The following ANKRD11 variants were observed in gnomAD, a reference collection of about 807,000 sequenced individuals.
ANKRD11 encodes ankyrin repeat domain-containing protein 11.
ANKRD11 carries 17 observed loss-of-function variants against 195.7 expected under a neutral mutation model. The ratio of observed to expected loss-of-function variants is 0.09; its 90% CI spans 0.06 to 0.13. The LOEUF (loss-of-function observed/expected upper bound fraction) is 0.13. Ranked by LOEUF, ANKRD11 falls within the 10% of genes least tolerant of loss-of-function variation. The pLI, the probability that ANKRD11 is intolerant of heterozygous loss-of-function variation, is 1.00. For synonymous variants in ANKRD11, 1,953 were observed against 1,528.1 expected (o/e 1.28, Z -6.49); for missense variants, 3,735 against 3,566.1 (o/e 1.05, Z -1.21).
chr16:89,417,506 G>A, intron 2 of ANKRD11, among the ~76,000 whole-genome samples: 1 of 152,176 alleles, frequency 6.6e-6, no homozygotes, highest in East Asian at 1.9e-4. Context: ...TCTTTTTGGA[G>A]ACTGCTGCCG....
Position 89,280,373 on chromosome 16 carries a change from C to A in ANKRD11, c.6169G>T (p.Ala2057Ser). 1 of 1,562,554 alleles carries A rather than the reference C, an allele frequency of 6.4e-7. No individual in the cohort carries two copies. The highest frequency in any genetic ancestry group is 1.4e-5 in the African/African-American group (1 of 73,628). Residue 2057 changes from alanine (A) to serine (S), a missense_variant, in exon 9 of 13, where the codon GCC becomes TCC. Coordinates refer to ENST00000301030, the MANE Select transcript of ANKRD11 (RefSeq NM_013275.6). ...AAGGACTCCAGCCCGGAGGGAGGGG[C>A]GTAGGGAGCCGCCTCTGAGGTGGAG... The part of the protein sequence containing the change: ...AISTSEAAPY[A>S]PPSGLESFFS...
intron 2 of ANKRD11, among the ~76,000 whole-genome samples, chr16:89,319,738 A>T (rs2037187946): frequency 6.6e-6 from 1 of 152,240 alleles, no homozygotes; most frequent in South Asian, 2.1e-4. Flanking sequence ...GCTGCCATCT[A>T]GCCCAGGCTA....
In ANKRD11 at chr16:89,268,208, G is replaced by T; in HGVS notation, c.*270C>A. The T allele has an allele frequency of 4.4e-6, 1 of 229,608 alleles. No individual in the cohort carries two copies. Among genetic ancestry groups the T allele is most frequent in the Non-Finnish European group, 7.8e-6 (1 of 127,650 alleles). 14.2% of individuals were successfully genotyped at this position (229,608 alleles called of 1,614,324 possible). ...CAAACAGAAGCTGCCGTGTGTGCGC[G>T]CCCGGCATGGTCTCCTCATCCCGCC... On this transcript the variant is annotated 3_prime_UTR_variant, in exon 13 of 13. Transcript: ENST00000301030.
chr16:89,305,053 C>A (rs1200771953), intron 4 of ANKRD11, 153 bp downstream of exon 4: 8 of 1,224,256 alleles, frequency 6.5e-6, no homozygotes, highest in East Asian at 4.8e-5. Context: ...GGGGCCTGTG[C>A]TCCGCCCCTG....
chr16:89,428,301 A>G (rs577982943), intron 1 of ANKRD11, among the ~76,000 whole-genome samples: 272 of 151,906 alleles, frequency 1.8e-3, no homozygotes, highest in African/African-American at 5.5e-3. Flanking sequence ...CAAGGCGGGC[A>G]GATCAGAAGG....
chr16:89,347,921 T>C (rs770873442), intron 2 of ANKRD11, among the ~76,000 whole-genome samples: 8 of 151,930 alleles, frequency 5.3e-5, no homozygotes, highest in Admixed American at 3.3e-4. Flanking sequence ...ACTTTCCTCA[T>C]GAATAGGTAT....
chr16:89,408,819 A>G (rs2042008082), intron 2 of ANKRD11, among the ~76,000 whole-genome samples: 1 of 152,226 alleles, frequency 6.6e-6, no homozygotes, highest in African/African-American at 2.4e-5. Context: ...TGTAATAAAA[A>G]TAAGGAAAAT....
Position 89,471,369 on chromosome 16 carries a change from C to A in ANKRD11, c.-145+18876G>T, listed in dbSNP as rs146605183. Among the ~76,000 whole-genome samples, 1,058 of 152,128 alleles carry A rather than the reference C, an allele frequency of 7.0e-3. 12 individuals are homozygous for A. The highest frequency in any genetic ancestry group is 0.024 in the South Asian group (116 of 4,828). Reference sequence around the variant, plus strand: ...GGTGCTCTCACCACTCAGGAATTCACGAGACGGCAAGAACTCATCAAGTTA... The same window carrying A: ...GGTGCTCTCACCACTCAGGAATTCAAGAGACGGCAAGAACTCATCAAGTTA... On this transcript the variant is annotated intron_variant, in intron 1 of 12. Coordinates refer to ENST00000301030, the MANE Select transcript of ANKRD11 (RefSeq NM_013275.6).
chr16:89,326,896 G>T (rs1399512968), intron 2 of ANKRD11, among the ~76,000 whole-genome samples: 1 of 152,202 alleles, frequency 6.6e-6, no homozygotes, highest in Non-Finnish European at 1.5e-5. Context: ...TCTGCACGTG[G>T]GGCTGACAGG....
intron 1 of ANKRD11, among the ~76,000 whole-genome samples, chr16:89,465,935 C>T (rs930569581): frequency 6.6e-6 from 1 of 152,162 alleles, no homozygotes; most frequent in Non-Finnish European, 1.5e-5. Context: ...TGGTCTTGAT[C>T]TCCTGACCTC....
chr16:89,272,151 A>G (rs1479587001), intron 11 of ANKRD11: 1 of 152,252 alleles, frequency 6.6e-6, no homozygotes, highest in African/African-American at 2.4e-5. Flanking sequence ...GGAGCTCAAC[A>G]TCATTGATCG....
At position 89,288,660 on chromosome 16, in the gene ANKRD11, C is replaced by T. The variant is rs138826436; in HGVS notation, c.612G>A (p.Ala204=). The part of the protein sequence containing the change: ...VNVKDFAGWT[A]LHEACNRGYY... ...AGCCCCGGTTACAGGCCTCGTGCAG[C>T]GCCGTCCAGCCTGGAAACAGACACT... The change falls in exon 7 of 13, where the codon GCG becomes GCA. Residue 204 remains alanine (A), a synonymous_variant. Transcript: ENST00000301030. 49 of 1,613,806 alleles carry T rather than the reference C, an allele frequency of 3.0e-5. No homozygotes were observed. The highest frequency in any genetic ancestry group is 1.6e-4 in the Middle Eastern group (1 of 6,082).
intron 2 of ANKRD11, among the ~76,000 whole-genome samples, chr16:89,417,218 C>A (rs2042345345): frequency 6.6e-6 from 1 of 152,144 alleles, no homozygotes; most frequent in Non-Finnish European, 1.5e-5. Context: ...AACAGATACA[C>A]CAAACTATGA....
At chr16:89,435,901 T>C (rs1033941893) in intron 1 of ANKRD11, among the ~76,000 whole-genome samples, 7 of 152,054 alleles carry the variant, frequency 4.6e-5, no homozygotes, top group Non-Finnish European at 7.4e-5. Flanking sequence ...TTCAGTTCAA[T>C]GTGCTGGTGC....
At chr16:89,454,323 G>C (rs2056330140) in intron 1 of ANKRD11, among the ~76,000 whole-genome samples, 1 of 152,098 alleles carries the variant, frequency 6.6e-6, no homozygotes, top group African/African-American at 2.4e-5. Context: ...CCTACGCTGA[G>C]TCCCACAGCA....
chr16:89,270,981 C>G (rs550559482), intron 11 of ANKRD11, 72 bp from the exon 12 acceptor site: 1 of 1,448,886 alleles, frequency 6.9e-7, no homozygotes, highest in African/African-American at 1.4e-5. Flanking sequence ...CCAGCCTGGG[C>G]GATGCTGCAG....
intron 1 of ANKRD11, among the ~76,000 whole-genome samples, chr16:89,467,053 T>C (rs1412754553): frequency 6.6e-6 from 1 of 152,208 alleles, no homozygotes; most frequent in Non-Finnish European, 1.5e-5. Context: ...ATTCCAATGG[T>C]TGCAGGAACT....
intron 1 of ANKRD11, chr16:89,420,556 T>C (rs149291863): frequency 1.3e-5 from 2 of 152,348 alleles, no homozygotes; most frequent in East Asian, 3.9e-4. Flanking sequence ...CTCAGTTTTC[T>C]GTTGTCTTAG....
intron 1 of ANKRD11, among the ~76,000 whole-genome samples, chr16:89,465,467 A>G (rs774757273): frequency 2.0e-5 from 3 of 152,296 alleles, no homozygotes; most frequent in Non-Finnish European, 4.4e-5. Flanking sequence ...CTTGCCGTGA[A>G]GAGCAGACAG....
Sources: gnomAD v4.1 joint callset for allele counts (sites outside exome capture counted in the v4.1 genomes callset) on GRCh38, gnomAD v4.1.1 for gene constraint, MANE v1.5 for transcripts, NCBI Gene and HGNC (gene_info 2026-07-23, HGNC 2026-07-21) for gene names.